HSPE1: variants seen among roughly 807,000 people sequenced by gnomAD.
HSPE1 encodes the protein 10 kDa heat shock protein, mitochondrial.
Under a neutral mutation model 13.2 loss-of-function variants are expected in HSPE1, and 1 was observed. The ratio of observed to expected loss-of-function variants is 0.08; its 90% CI spans 0.03 to 0.36. HSPE1 has a LOEUF of 0.36. HSPE1 is among the 10% of genes least tolerant of loss of function. The probability of loss-of-function intolerance (pLI) is 0.99; values close to 1 mark genes in which losing one functional copy is unlikely to be tolerated. For missense variants in HSPE1, 73 were observed against 118.7 expected (o/e 0.62, Z 1.79); for synonymous variants, 44 against 42.0 (o/e 1.05, Z -0.19).
At chr2:197,500,694 C>T in intron 1 of HSPE1, 1 of 610,336 alleles carries the variant, frequency 1.6e-6, no homozygotes, top group Non-Finnish European at 2.9e-6. Flanking sequence ...TCACCTGCTT[C>T]TGCAGGGCCT....
chr2:197,500,907 C>A, intron 1 of HSPE1, 167 bp from the exon 2 acceptor site: 1 of 799,218 alleles, frequency 1.3e-6, no homozygotes, highest in Non-Finnish European at 2.0e-6. Flanking sequence ...GGGAATTAAA[C>A]TTGGAATATT....
intron 1 of HSPE1, chr2:197,500,719 T>C: frequency 1.7e-6 from 1 of 594,094 alleles, no homozygotes; most frequent in South Asian, 2.0e-5. Flanking sequence ...GGATGTGTAA[T>C]ATCTTGGGTA....
intron 2 of HSPE1, among the ~76,000 whole-genome samples, chr2:197,502,694 G>A (rs1279717468): frequency 1.3e-5 from 2 of 152,210 alleles, no homozygotes; most frequent in African/African-American, 4.8e-5. Flanking sequence ...GGCTACTGTT[G>A]CAGGTTTATT....
In HSPE1 at chr2:197,503,377, A is replaced by G; in HGVS notation, c.*118A>G. 1 of 670,264 alleles carries G rather than the reference A, an allele frequency of 1.5e-6. No homozygotes were observed. Among genetic ancestry groups the G allele is most frequent in the Non-Finnish European group, 2.6e-6 (1 of 391,102 alleles). The allele number at this position is 670,264 out of a possible 1,614,324, so 41.5% of individuals were successfully genotyped here. On this transcript the variant is annotated 3_prime_UTR_variant, in exon 4 of 4. Transcript: ENST00000233893. ...CTTTTATAATAAACTAATGATAACT[A>G]ATGACATCCAGTGTCTCCAAAATTG...
chr2:197,500,393 G>C lies in HSPE1; in HGVS notation c.-44G>C, dbSNP rs1473969241. The C allele has an allele frequency of 6.3e-7, 1 of 1,592,630 alleles. No homozygotes were observed. The highest frequency in any genetic ancestry group is 8.5e-7 in the Non-Finnish European group (1 of 1,170,390). On this transcript the variant is annotated 5_prime_UTR_variant, in exon 1 of 4. Transcript: ENST00000233893. ...AGGGCCGGACTGCGAGTCTCTTTGC[G>C]GCGCTACACTAGAGCAGAGTACGAG...
At chr2:197,503,176 G>A (rs776676763) in intron 3 of HSPE1, 33 bp from the exon 4 acceptor site, 1 of 1,589,558 alleles carries the variant, frequency 6.3e-7, no homozygotes, top group Admixed American at 1.7e-5. Context: ...TTTGCAATTA[G>A]TTGTCTTAAC....
intron 3 of HSPE1, 23 bp from the exon 4 acceptor site, chr2:197,503,182 TTAAC>T (rs775128658): frequency 5.8e-6 from 9 of 1,563,216 alleles, no homozygotes; most frequent in Non-Finnish European, 7.9e-6. Flanking sequence ...ATTAGTTGTC[TTAAC>T]TAATGGTTTT....
chr2:197,501,018 C>T, intron 1 of HSPE1, 56 bp from the exon 2 acceptor site: 5 of 1,589,492 alleles, frequency 3.1e-6, no homozygotes, highest in South Asian at 1.1e-5. Flanking sequence ...GTGGCGTTGC[C>T]TGTTGATAAT....
At chr2:197,500,604 T>C in intron 1 of HSPE1, 165 bp downstream of exon 1, 1 of 1,061,436 alleles carries the variant, frequency 9.4e-7, no homozygotes, top group Non-Finnish European at 1.4e-6. Context: ...GACCCTTTTC[T>C]CCCCCAGGGC....
chr2:197,501,811 T>C (rs1189531886), intron 2 of HSPE1, among the ~76,000 whole-genome samples: 1 of 150,934 alleles, frequency 6.6e-6, no homozygotes, highest in Non-Finnish European at 1.5e-5. Context: ...TTTGGTAGCC[T>C]AGTGTGATCA....
intron 1 of HSPE1, 161 bp downstream of exon 1, chr2:197,500,600 T>TTTCTCCCCC: frequency 9.0e-7 from 1 of 1,113,362 alleles, no homozygotes; most frequent in Non-Finnish European, 1.3e-6. Flanking sequence ...GCCCGACCCT[T>TTTCTCCCCC]TTCTCCCCCA....
Position 197,503,044 on chromosome 2 carries a change from A to G in HSPE1, c.174A>G (p.Gly58=). The G allele has an allele frequency of 3.1e-6, 5 of 1,588,482 alleles. No individual in the cohort carries two copies. The highest frequency in any genetic ancestry group is 4.3e-6 in the Non-Finnish European group (5 of 1,163,102). ...AVGSGSKGKG[G]EIQPVSVKVG... ...AACATCCTTCCTTTTTTAAGGGTGG[A>G]GAGATTCAACCAGTTAGCGTGAAAG... The change falls in exon 3 of 4, where the codon GGA becomes GGG. Residue 58 remains glycine (G), a synonymous_variant. Coordinates refer to ENST00000233893, the MANE Select transcript of HSPE1 (RefSeq NM_002157.3).
chr2:197,500,927 A>T, intron 1 of HSPE1, 147 bp from the exon 2 acceptor site: 5 of 942,954 alleles, frequency 5.3e-6, no homozygotes, highest in Non-Finnish European at 7.9e-6. Flanking sequence ...TGGTTAGTAC[A>T]TTCAAATGCG....
At chr2:197,500,906 A>C in intron 1 of HSPE1, 168 bp from the exon 2 acceptor site, 1 of 792,082 alleles carries the variant, frequency 1.3e-6, no homozygotes, top group South Asian at 2.0e-5. Flanking sequence ...CGGGAATTAA[A>C]CTTGGAATAT....
At position 197,501,473 on chromosome 2, in the gene HSPE1, G is replaced by C. The variant is rs112452204; in HGVS notation, c.168+235G>C. The stretch of plus-strand genomic sequence containing the variant: ...TGATAGTTTCAGAGTATTAAAAATT[G>C]TCCTCAATAGGCCGGGTGCGGTGGC... On this transcript the variant is annotated intron_variant, in intron 2 of 3. Coordinates refer to ENST00000233893, the MANE Select transcript of HSPE1 (RefSeq NM_002157.3). 3,935 of 438,556 alleles carry C rather than the reference G, an allele frequency of 9.0e-3. 131 individuals are homozygous for C. The highest frequency in any genetic ancestry group is 0.072 in the African/African-American group (3,549 of 49,228). 27.2% of individuals were successfully genotyped at this position (438,556 alleles called of 1,614,324 possible). A position where few individuals can be genotyped will look rare whatever the true frequency, so the allele number is the denominator to read the frequency against.
At chr2:197,502,919 T>C (rs1036263477) in intron 2 of HSPE1, 120 bp from the exon 3 acceptor site, 4 of 652,722 alleles carry the variant, frequency 6.1e-6, no homozygotes, top group Admixed American at 4.9e-5. Context: ...CCACGAAATA[T>C]ATTTTTAATA....
chr2:197,501,250 C>T lies in HSPE1; in HGVS notation c.168+12C>T, dbSNP rs777798969. On this transcript the variant is annotated intron_variant, in intron 2 of 3. Coordinates refer to ENST00000233893, the MANE Select transcript of HSPE1 (RefSeq NM_002157.3). ...GTTCTAAAGGAAAGGTAAATGGGAG[C>T]TGCAGTGGAACTATTTTTTATAGTG... is the stretch of plus-strand genomic sequence containing the variant. 9.4e-6 allele frequency: 15 copies of T among 1,600,644 alleles called. No individual in the cohort carries two copies. The highest frequency in any genetic ancestry group is 1.7e-5 in the Admixed American group (1 of 57,642).
At chr2:197,500,570 A>G (rs2086238389) in intron 1 of HSPE1, 131 bp downstream of exon 1, 1 of 1,398,456 alleles carries the variant, frequency 7.2e-7, no homozygotes, top group Non-Finnish European at 9.9e-7. Context: ...GCCCGATGGC[A>G]CCTTGGAGCG....
rs114696119 is a variant in HSPE1 at position 197,502,912 on chromosome 2, C to T, written c.169-127C>T. Reference sequence around the variant, plus strand: ...TAGTATGAGTCGTATCACTTAGCCACGAAATATATTTTTAATATAATTGGA... The same window carrying T: ...TAGTATGAGTCGTATCACTTAGCCATGAAATATATTTTTAATATAATTGGA... On this transcript the variant is annotated intron_variant, in intron 2 of 3. Transcript: ENST00000233893. The T allele has an allele frequency of 3.4e-3, 2,186 of 636,890 alleles. 33 individuals carry two copies. The African/African-American group carries it at 0.035, about 10-fold the overall frequency. The allele number at this position is 636,890 out of a possible 1,614,324, so 39.5% of individuals were successfully genotyped here.
Sources: gnomAD v4.1 joint callset for allele counts (sites outside exome capture counted in the v4.1 genomes callset) on GRCh38, gnomAD v4.1.1 for gene constraint, MANE v1.5 for transcripts, NCBI Gene and HGNC (gene_info 2026-07-23, HGNC 2026-07-21) for gene names.